The following UBE2J2 variants were observed in gnomAD, a reference collection of about 807,000 sequenced individuals.
UBE2J2 encodes ubiquitin conjugating enzyme E2 J2.
In UBE2J2, 5 loss-of-function variants were observed where a neutral mutation model predicts 28.6. The observed-to-expected ratio is 0.17, with a 90% confidence interval of 0.09 to 0.37. UBE2J2 has a LOEUF of 0.37. Among genes scored for constraint, UBE2J2 ranks in the 10% least tolerant of loss-of-function variants. The probability of loss-of-function intolerance (pLI) is 1.00; values close to 1 mark genes in which losing one functional copy is unlikely to be tolerated. For missense variants in UBE2J2, 226 were observed against 338.9 expected (o/e 0.67, Z 2.62); for synonymous variants, 138 against 139.7 (o/e 0.99, Z 0.09).
In UBE2J2 at chr1:1,264,416, C is replaced by T. The variant is rs549731227; in HGVS notation, c.132-1030G>A. 1.4e-4 allele frequency among the ~76,000 whole-genome samples: 22 copies of T among 152,272 alleles called. No homozygotes were observed. In the South Asian group the frequency reaches 4.4e-3, roughly 30 times the overall value. The stretch of plus-strand genomic sequence containing the variant: ...CAGACATGGCTTCAACTGCCAACAC[C>T]GGCCAACACCGGCCATCATCTTTCC... On this transcript the variant is annotated intron_variant, in intron 2 of 6. Transcript: ENST00000349431.
chr1:1,267,814 C>A, intron 2 of UBE2J2, 48 bp downstream of exon 2: 2 of 1,599,868 alleles, frequency 1.3e-6, no homozygotes, highest in Middle Eastern at 1.7e-4. Flanking sequence ...CAGAGGCCTG[C>A]GTGGCAGCGA....
At chr1:1,263,029 C>T (rs1304470801) in intron 3 of UBE2J2, 2 of 299,194 alleles carry the variant, frequency 6.7e-6, no homozygotes, top group Admixed American at 4.3e-5. Flanking sequence ...ATGATATGCA[C>T]TGGGTCTTAA....
chr1:1,255,517 G>A, intron 6 of UBE2J2, 30 bp from the exon 7 acceptor site: 2 of 1,589,984 alleles, frequency 1.3e-6, no homozygotes, highest in Non-Finnish European at 1.7e-6. Flanking sequence ...AAAAGCAGCT[G>A]GTCTCCAACC....
chr1:1,262,395 G>A, intron 3 of UBE2J2: 2 of 452,104 alleles, frequency 4.4e-6, no homozygotes, highest in Non-Finnish European at 8.9e-6. Flanking sequence ...GGATTCCTGG[G>A]CCAAAGGAGA....
At chr1:1,255,601 G>A in intron 6 of UBE2J2, 114 bp from the exon 7 acceptor site, 1 of 1,289,730 alleles carries the variant, frequency 7.8e-7, no homozygotes, top group Non-Finnish European at 1.1e-6. Flanking sequence ...CCTAGGCTGT[G>A]TCAAATTCCG....
intron 2 of UBE2J2, chr1:1,264,936 T>A (rs780621328): frequency 6.5e-6 from 1 of 153,484 alleles, no homozygotes; most frequent in East Asian, 1.9e-4. Context: ...CGTATAGTAA[T>A]GTATACTAAT....
intron 1 of UBE2J2, among the ~76,000 whole-genome samples, chr1:1,272,008 G>C (rs147878143): frequency 1.8e-5 from 2 of 113,588 alleles, no homozygotes; most frequent in Middle Eastern, 3.8e-3. Context: ...AAAAAAATTA[G>C]CCGGGTGTGG....
chr1:1,254,183 C>G lies in UBE2J2; in HGVS notation c.*1020G>C, dbSNP rs1027602645. 1.2e-4 allele frequency: 18 copies of G among 152,310 alleles called. No individual in the cohort carries two copies. The highest frequency in any genetic ancestry group is 3.8e-4 in the African/African-American group (16 of 41,572). 9.4% of individuals were successfully genotyped at this position (152,310 alleles called of 1,614,324 possible). ...CAGAAGAGGGGAGACGGCCGAGACC[C>G]GGGGAGCCACGCGGCCCGAAACAGC... is the stretch of plus-strand genomic sequence containing the variant. On this transcript the variant is annotated 3_prime_UTR_variant, in exon 7 of 7. Transcript: ENST00000349431.
intron 1 of UBE2J2, among the ~76,000 whole-genome samples, chr1:1,270,551 C>T (rs1640096546): frequency 6.6e-6 from 1 of 152,158 alleles, no homozygotes; most frequent in South Asian, 2.1e-4. Flanking sequence ...CCTTGTTCAC[C>T]ACAGCCTTCC....
At position 1,254,950 on chromosome 1, in the gene UBE2J2, A is replaced by C. The variant is rs554198279; in HGVS notation, c.*253T>G. 9.3e-6 allele frequency: 4 copies of C among 430,588 alleles called. No homozygotes were observed. Among genetic ancestry groups the C allele is most frequent in the South Asian group, 1.2e-4 (2 of 16,128 alleles). 26.7% of individuals were successfully genotyped at this position (430,588 alleles called of 1,614,324 possible). ...AACAGGTCCAAAGACAACACGGAAG[A>C]TAAGCTACAAATCCAGCACACAAGG... On this transcript the variant is annotated 3_prime_UTR_variant, in exon 7 of 7. Coordinates refer to ENST00000349431, the MANE Select transcript of UBE2J2 (RefSeq NM_058167.3).
intron 6 of UBE2J2, among the ~76,000 whole-genome samples, chr1:1,255,732 T>C (rs1222448959): frequency 6.6e-6 from 1 of 152,176 alleles, no homozygotes; most frequent in Non-Finnish European, 1.5e-5. Flanking sequence ...CAGGGAGCAC[T>C]CCAGTCCCAG....
Position 1,255,102 on chromosome 1 carries a change from C to A in UBE2J2, c.*101G>T. 2 of 1,295,858 alleles carry A rather than the reference C, an allele frequency of 1.5e-6. No homozygotes were observed. Among genetic ancestry groups the A allele is most frequent in the South Asian group, 1.5e-5 (1 of 65,086 alleles). 80.3% of individuals were successfully genotyped at this position (1,295,858 alleles called of 1,614,324 possible). On this transcript the variant is annotated 3_prime_UTR_variant, in exon 7 of 7. Transcript: ENST00000349431. Reference sequence around the variant, plus strand: ...GGTTTTTAAAAGCTAAACCTAGGAGCCTGGTGGGTCTGCCTGTGCTGGGCA... The same window carrying A: ...GGTTTTTAAAAGCTAAACCTAGGAGACTGGTGGGTCTGCCTGTGCTGGGCA...
rs1169150488 is a variant in UBE2J2 at position 1,268,071 on chromosome 1, G to A, written c.1-79C>T. On this transcript the variant is annotated intron_variant, in intron 1 of 6. Coordinates refer to ENST00000349431, the MANE Select transcript of UBE2J2 (RefSeq NM_058167.3). This position sits in a 1 kb window ranked among gnomAD's most constrained non-coding sequence, Gnocchi z 4.7. ...TCTCCCCTGGCGCAGCCCCACTCCC[G>A]CCTCTGCAGCCCGCCATTCATTCAG... The A allele has an allele frequency of 1.8e-5, 28 of 1,563,836 alleles. No homozygotes were observed. Among genetic ancestry groups the A allele is most frequent in the East Asian group, 4.5e-5 (2 of 43,966 alleles).
In UBE2J2 at chr1:1,255,169, C is replaced by T. The variant is rs1450535264; in HGVS notation, c.*34G>A. ...GAGGTCACGCTCTGGTGCGCGGTGC[C>T]CTCAGTGGCGCCTTGGGTCTCGGCG... On this transcript the variant is annotated 3_prime_UTR_variant, in exon 7 of 7. Coordinates refer to ENST00000349431, the MANE Select transcript of UBE2J2 (RefSeq NM_058167.3). 1 of 1,554,366 alleles carries T rather than the reference C, an allele frequency of 6.4e-7. No homozygotes were observed. The highest frequency in any genetic ancestry group is 8.7e-7 in the Non-Finnish European group (1 of 1,146,192).
intron 2 of UBE2J2, among the ~76,000 whole-genome samples, chr1:1,264,588 A>G (rs1196764083): frequency 6.6e-6 from 1 of 152,198 alleles, no homozygotes; most frequent in African/African-American, 2.4e-5. Context: ...CCTGGTCAAC[A>G]TGGCGAAACT....
At chr1:1,259,509 G>A (rs935763754) in intron 3 of UBE2J2, among the ~76,000 whole-genome samples, 1 of 152,200 alleles carries the variant, frequency 6.6e-6, no homozygotes, top group African/African-American at 2.4e-5. Context: ...TGTGTAGGAT[G>A]CAGCACCCCT....
chr1:1,271,112 C>A (rs908777200), intron 1 of UBE2J2, among the ~76,000 whole-genome samples: 1 of 152,246 alleles, frequency 6.6e-6, no homozygotes, highest in African/African-American at 2.4e-5. Context: ...CCCTTCTGGG[C>A]CCCAGCGGGT....
chr1:1,269,805 A>T (rs989757663), intron 1 of UBE2J2, among the ~76,000 whole-genome samples: 1 of 152,172 alleles, frequency 6.6e-6, no homozygotes, highest in East Asian at 1.9e-4. Context: ...ATCAGTGGCC[A>T]TCGATAACGG....
chr1:1,272,679 G>A (rs951895218), intron 1 of UBE2J2, among the ~76,000 whole-genome samples: 2 of 151,604 alleles, frequency 1.3e-5, no homozygotes, highest in African/African-American at 4.9e-5. Context: ...TGTCACTCAA[G>A]CACTCACCTA....
Sources: allele counts gnomAD v4.1 joint callset (sites outside exome capture counted in the v4.1 genomes callset), GRCh38; gene constraint gnomAD v4.1.1; non-coding constraint Gnocchi (gnomAD v3.1); transcripts MANE v1.5; gene names NCBI Gene and HGNC (gene_info 2026-07-23, HGNC 2026-07-21).